Variants in IL1R2 observed in about 807,000 individuals in gnomAD.
IL1R2 encodes interleukin 1 receptor type 2.
Under a neutral mutation model 39.5 loss-of-function variants are expected in IL1R2, and 46 were observed. That is an observed-to-expected ratio of 1.16 (90% CI 0.92 to 1.49). The LOEUF (loss-of-function observed/expected upper bound fraction) is 1.49. Among genes scored for constraint, IL1R2 ranks in the 40% most tolerant of loss-of-function variants. IL1R2 has a pLI of 0.00. For missense variants in IL1R2, 537 were observed against 502.0 expected, an observed-to-expected ratio of 1.07 and a Z score of -0.67; for synonymous variants, 207 against 189.6, an observed-to-expected ratio of 1.09 and a Z score of -0.75.
At chr2:102,007,460 T>C (rs991074161) in intron 1 of IL1R2, among the ~76,000 whole-genome samples, 2 of 152,216 alleles carry the variant, frequency 1.3e-5, no homozygotes, top group Non-Finnish European at 2.9e-5. Flanking sequence ...GAGTGATCCA[T>C]TAACTCACTC....
intron 6 of IL1R2, among the ~76,000 whole-genome samples, chr2:102,024,016 T>C (rs961374877): frequency 2.7e-5 from 4 of 146,190 alleles, no homozygotes; most frequent in Non-Finnish European, 5.9e-5. Flanking sequence ...CCCACCGCAC[T>C]CCAGCCTGGG....
chr2:102,021,921 C>T (rs2150457367), intron 5 of IL1R2: 1 of 424,616 alleles, frequency 2.4e-6, no homozygotes, highest in East Asian at 4.7e-5. Context: ...AATTGTTTAT[C>T]ATAGAGCAAG....
At chr2:101,992,518 CAGAGAGACAGAGATGG>C (rs1188863801) in intron 1 of IL1R2, among the ~76,000 whole-genome samples, 12 of 136,736 alleles carry the variant, frequency 8.8e-5, no homozygotes, top group African/African-American at 3.4e-4. Flanking sequence ...CAGAGAGAGG[CAGAGAGACAGAGATGG>C]AGAGAGACAG....
At chr2:102,028,157 T>A in intron 8 of IL1R2, 69 bp from the exon 9 acceptor site, 2 of 1,287,522 alleles carry the variant, frequency 1.6e-6, no homozygotes, top group Non-Finnish European at 2.1e-6. Context: ...CTTGTACACC[T>A]GCATTGCCCT....
intron 1 of IL1R2, among the ~76,000 whole-genome samples, chr2:102,002,463 C>CTGTCTGTGTGTG (rs1408249151): frequency 2.2e-4 from 31 of 143,020 alleles, no homozygotes; most frequent in Admixed American, 1.9e-3. Flanking sequence ...GTCTATGTCT[C>CTGTCTGTGTGTG]TGTCTGTGTC....
intron 3 of IL1R2, 43 bp from the exon 4 acceptor site, chr2:102,015,828 T>C (rs1676960156): frequency 6.8e-7 from 1 of 1,472,284 alleles, no homozygotes; most frequent in Non-Finnish European, 9.5e-7. Flanking sequence ...GCTTTACTTT[T>C]ATTTTGCCTT....
rs914897343 is a variant in IL1R2, at chr2:102,009,950, G to A, written c.332+124G>A. Reference sequence around the variant, plus strand: ...AATACAAATCCAGTGAATCCACATTGCATCCCGTTTGCTGTTCCTGACACC... The same window carrying A: ...AATACAAATCCAGTGAATCCACATTACATCCCGTTTGCTGTTCCTGACACC... On this transcript the variant is annotated intron_variant, in intron 3 of 8. Transcript: ENST00000332549. The A allele has an allele frequency of 2.6e-6, 3 of 1,143,944 alleles. No homozygotes were observed. The South Asian group carries it at 4.4e-5, about 17-fold the overall frequency. The allele number at this position is 1,143,944 out of a possible 1,614,324, so 70.9% of individuals were successfully genotyped here.
Position 102,026,063 on chromosome 2 carries a change from G to C in IL1R2, c.888-48G>C, listed in dbSNP as rs142449580. 1,284 of 1,447,458 alleles carry C rather than the reference G, an allele frequency of 8.9e-4. 14 individuals carry two copies. In the African/African-American group the frequency reaches 0.016, roughly 18 times the overall value. The allele number at this position is 1,447,458 out of a possible 1,614,324, so 89.7% of individuals were successfully genotyped here. On this transcript the variant is annotated intron_variant, in intron 7 of 8. Transcript: ENST00000332549. ...TAGATGTCTACATTGTGAAAGACAAGCTTGCATTCGATACAATCATAATTA... is the reference window on the plus strand; with the variant it reads ...TAGATGTCTACATTGTGAAAGACAACCTTGCATTCGATACAATCATAATTA...
Position 102,024,606 on chromosome 2 carries a change from G to A in IL1R2, c.825G>A (p.Thr275=), listed in dbSNP as rs746713889. Residue 275 remains threonine (T), a synonymous_variant, in exon 7 of 9, where the codon ACG becomes ACA. Transcript: ENST00000332549. ...GTPLTTMLWW[T]ANDTHIESAY... ...CCTTAACCACCATGCTGTGGTGGAC[G>A]GCCAATGACACCCACATAGAGAGCG... 16 of 1,613,862 alleles carry A rather than the reference G, an allele frequency of 9.9e-6. No homozygotes were observed. The highest frequency in any genetic ancestry group is 1.7e-5 in the Admixed American group (1 of 60,000).
At chr2:102,028,147 C>A in intron 8 of IL1R2, 79 bp from the exon 9 acceptor site, 2 of 1,224,290 alleles carry the variant, frequency 1.6e-6, no homozygotes, top group South Asian at 2.1e-5. Context: ...TCTTTCTTAT[C>A]TTGTACACCT....
intron 3 of IL1R2, chr2:102,010,304 C>G (rs1430887278): frequency 6.4e-6 from 1 of 155,880 alleles, no homozygotes; most frequent in African/African-American, 2.4e-5. Context: ...CTGGGTGAGA[C>G]CTTAGGATTA....
chr2:102,012,948 T>C (rs759749743), intron 3 of IL1R2, among the ~76,000 whole-genome samples: 52 of 152,296 alleles, frequency 3.4e-4, no homozygotes, highest in Non-Finnish European at 4.7e-4. Flanking sequence ...GTGTTAGTTT[T>C]CCTGTAAAGA....
At chr2:102,021,843 C>T (rs989799266) in intron 5 of IL1R2, among the ~76,000 whole-genome samples, 4 of 152,268 alleles carry the variant, frequency 2.6e-5, no homozygotes, top group East Asian at 3.9e-4. Context: ...GGTCAAGTTT[C>T]GGGGAAAATC....
At chr2:102,012,913 TGGGC>T (rs1676729605) in intron 3 of IL1R2, among the ~76,000 whole-genome samples, 4 of 152,210 alleles carry the variant, frequency 2.6e-5, no homozygotes, top group Admixed American at 2.6e-4. Flanking sequence ...GGTGGGACCT[TGGGC>T]TTATCACTTG....
At chr2:102,007,704 A>T (rs968577874) in intron 1 of IL1R2, among the ~76,000 whole-genome samples, 1 of 152,200 alleles carries the variant, frequency 6.6e-6, no homozygotes, top group African/African-American at 2.4e-5. Context: ...TCCCCTATTG[A>T]AAAGCAGGCT....
intron 6 of IL1R2, 145 bp downstream of exon 6, chr2:102,022,394 T>C: frequency 2.8e-6 from 2 of 706,644 alleles, no homozygotes; most frequent in Middle Eastern, 5.0e-4. Context: ...AACTCCAGTG[T>C]GTGAGGCTGG....
At chr2:101,997,281 C>A (rs1481526070) in intron 1 of IL1R2, among the ~76,000 whole-genome samples, 1 of 152,208 alleles carries the variant, frequency 6.6e-6, no homozygotes, top group African/African-American at 2.4e-5. Context: ...CTCCCTGGCT[C>A]CACAGGTTCT....
Position 102,008,520 on chromosome 2 carries a change from G to T in IL1R2, c.-56G>T. ...ACCTCTGTTTCCTCCCCTAGGCCAC[G>T]TGCTGCTGGGTCTCAGTCCTCCACT... On this transcript the variant is annotated 5_prime_UTR_variant, in exon 2 of 9. Transcript: ENST00000332549. 7.1e-7 allele frequency: 1 copy of T among 1,417,764 alleles called. No homozygotes were observed. Among genetic ancestry groups the T allele is most frequent in the Non-Finnish European group, 1.0e-6 (1 of 1,001,482 alleles). The allele number at this position is 1,417,764 out of a possible 1,614,324, so 87.8% of individuals were successfully genotyped here.
Position 102,019,745 on chromosome 2 carries a change from T to C in IL1R2, c.621T>C (p.Cys207=), listed in dbSNP as rs377326446. The C allele has an allele frequency of 3.7e-6, 6 of 1,614,106 alleles. No homozygotes were observed. The African/African-American group carries it at 6.7e-5, about 18-fold the overall frequency. ...VALEDAGYYR[C]VLTFAHEGQQ... is the part of the protein sequence containing the mutation. ...TGGAAGATGCTGGCTATTACCGCTG[T>C]GTCCTGACATTTGCCCATGAAGGCC... The change falls in exon 5 of 9, where the codon TGT becomes TGC. Residue 207 remains cysteine, a synonymous_variant. Transcript: ENST00000332549.
Sources: gnomAD v4.1 joint callset for allele counts (sites outside exome capture counted in the v4.1 genomes callset) on GRCh38, gnomAD v4.1.1 for gene constraint, MANE v1.5 for transcripts, NCBI Gene and HGNC (gene_info 2026-07-23, HGNC 2026-07-21) for gene names.